UNC5C: variants seen among roughly 807,000 people sequenced by gnomAD.
UNC5C encodes the protein unc-5 netrin receptor C.
A neutral mutation model predicts 99.8 loss-of-function variants in UNC5C; 47 were observed. The observed-to-expected ratio is 0.47, with a 90% CI of 0.37 to 0.60. The LOEUF is 0.60. Among genes scored for constraint, UNC5C ranks in the 20% least tolerant of loss-of-function variants. The probability of loss-of-function intolerance (pLI) is 0.00; values close to 1 mark genes in which losing one functional copy is unlikely to be tolerated. For missense variants in UNC5C, 1,062 were observed against 1,165.9 expected (o/e 0.91, Z 1.30); for synonymous variants, 487 against 452.2 (o/e 1.08, Z -0.98).
intron 1 of UNC5C, among the ~76,000 whole-genome samples, chr4:95,371,164 A>G (rs1386060819): frequency 6.6e-6 from 1 of 152,180 alleles, no homozygotes; most frequent in Non-Finnish European, 1.5e-5. Context: ...TGTTTTCAGT[A>G]ACACTTCAGT....
intron 14 of UNC5C, 79 bp from the exon 15 acceptor site, chr4:95,170,411 C>A: frequency 1.4e-6 from 2 of 1,480,488 alleles, no homozygotes; most frequent in Non-Finnish European, 1.8e-6. Context: ...CAACATAATG[C>A]CTTGCTTTGA....
At chr4:95,201,975 T>C (rs1737692045) in intron 12 of UNC5C, among the ~76,000 whole-genome samples, 1 of 152,130 alleles carries the variant, frequency 6.6e-6, no homozygotes, top group Non-Finnish European at 1.5e-5. Flanking sequence ...CTTGTATTTT[T>C]CCCTCTACTA....
In UNC5C at chr4:95,541,373, A is replaced by T. The variant is rs77019692; in HGVS notation, c.124+7361T>A. On this transcript the variant is annotated intron_variant, in intron 1 of 15. Coordinates refer to ENST00000453304, the MANE Select transcript of UNC5C (RefSeq NM_003728.4). ...TTATCTCGGTTATCAGATGAAAAAA[A>T]AGCAGTGTAGATGGGAGTTCCATAC... Among the ~76,000 whole-genome samples the T allele has an allele frequency of 8.1e-3, 1,237 of 152,282 alleles. 15 individuals carry two copies. The highest frequency in any genetic ancestry group is 0.028 in the African/African-American group (1,168 of 41,558).
At chr4:95,442,234 G>A (rs560830921) in intron 1 of UNC5C, among the ~76,000 whole-genome samples, 1 of 152,082 alleles carries the variant, frequency 6.6e-6, no homozygotes, top group Non-Finnish European at 1.5e-5. Flanking sequence ...AACAGGGTTT[G>A]GTCTGTTGCC....
chr4:95,295,258 G>A (rs1741633086), intron 3 of UNC5C, among the ~76,000 whole-genome samples: 2 of 152,170 alleles, frequency 1.3e-5, no homozygotes, highest in South Asian at 4.1e-4. Flanking sequence ...TACAGTAAGG[G>A]TTCTGCACAG....
intron 4 of UNC5C, among the ~76,000 whole-genome samples, chr4:95,268,512 C>T (rs1740537080): frequency 6.6e-6 from 1 of 152,154 alleles, no homozygotes; most frequent in Non-Finnish European, 1.5e-5. Context: ...ATCCTTTGCC[C>T]TTCTGATACA....
intron 1 of UNC5C, among the ~76,000 whole-genome samples, chr4:95,517,858 T>C (rs73842317): frequency 0.038 from 5,738 of 152,234 alleles, 342 homozygotes; most frequent in African/African-American, 0.13. Flanking sequence ...AAGTAACTCA[T>C]TGAGTCTCTG....
At chr4:95,504,896 T>C (rs1379619172) in intron 1 of UNC5C, among the ~76,000 whole-genome samples, 1 of 152,118 alleles carries the variant, frequency 6.6e-6, no homozygotes, top group Non-Finnish European at 1.5e-5. Flanking sequence ...TATGATCTTA[T>C]GATATTAATT....
chr4:95,548,518 GC>G (rs1182945739), intron 1 of UNC5C, among the ~76,000 whole-genome samples: 2 of 151,988 alleles, frequency 1.3e-5, no homozygotes, highest in Non-Finnish European at 2.9e-5. Context: ...GTCCATTCGT[GC>G]CCATCTCAGA....
chr4:95,396,404 A>G (rs1434699571), intron 1 of UNC5C, among the ~76,000 whole-genome samples: 1 of 152,214 alleles, frequency 6.6e-6, no homozygotes, highest in Admixed American at 6.5e-5. Flanking sequence ...TTCTTTTCTC[A>G]GGGAAATATC....
rs574673731 is a variant in UNC5C at position 95,479,762 on chromosome 4, G to T, written c.124+68972C>A. ...ATGAATACAATAGTTAATTTTATGTGTCAACTTGACTGGACCATGGAGTGC... is the reference window on the plus strand; with the variant it reads ...ATGAATACAATAGTTAATTTTATGTTTCAACTTGACTGGACCATGGAGTGC... On this transcript the variant is annotated intron_variant, in intron 1 of 15. Transcript: ENST00000453304. Among the ~76,000 whole-genome samples, 3 of 152,008 alleles carry T rather than the reference G, an allele frequency of 2.0e-5. No homozygotes were observed. In the East Asian group the frequency reaches 5.8e-4, roughly 30 times the overall value.
chr4:95,402,602 T>A (rs1745731221), intron 1 of UNC5C, among the ~76,000 whole-genome samples: 1 of 152,168 alleles, frequency 6.6e-6, no homozygotes, highest in Non-Finnish European at 1.5e-5. Context: ...AGGGTAGTAT[T>A]TGAGGACACA....
At chr4:95,503,861 T>C (rs998542675) in intron 1 of UNC5C, among the ~76,000 whole-genome samples, 1 of 152,140 alleles carries the variant, frequency 6.6e-6, no homozygotes, top group South Asian at 2.1e-4. Flanking sequence ...ATTTCACTTA[T>C]ATTCAGTGAA....
chr4:95,331,988 A>C (rs1201815986), intron 2 of UNC5C, among the ~76,000 whole-genome samples: 3 of 152,134 alleles, frequency 2.0e-5, no homozygotes, highest in African/African-American at 7.2e-5. Flanking sequence ...AAAGAGAATA[A>C]AATACCTAGG....
rs368876882 is a variant in UNC5C at position 95,479,043 on chromosome 4, T to G, written c.124+69691A>C. 5.3e-5 allele frequency among the ~76,000 whole-genome samples: 8 copies of G among 152,096 alleles called. No homozygotes were observed. In the East Asian group the frequency reaches 1.6e-3, roughly 30 times the overall value. Reference sequence around the variant, plus strand: ...GAAGCCTCACCAGAAGCTGAGAAGATGTACGATCTCCAGAACCATGAGCCA... The same window carrying G: ...GAAGCCTCACCAGAAGCTGAGAAGAGGTACGATCTCCAGAACCATGAGCCA... On this transcript the variant is annotated intron_variant, in intron 1 of 15. Coordinates refer to ENST00000453304, the MANE Select transcript of UNC5C (RefSeq NM_003728.4).
At position 95,186,036 on chromosome 4, in the gene UNC5C, A is replaced by G. The variant is rs192177116; in HGVS notation, c.2137-840T>C. Reference sequence around the variant, plus strand: ...TTTCTCAGGCTAGTTAATGGGAGTTAATGAAGCATTTCCAACTGCAGCTGT... The same window carrying G: ...TTTCTCAGGCTAGTTAATGGGAGTTGATGAAGCATTTCCAACTGCAGCTGT... On this transcript the variant is annotated intron_variant, in intron 12 of 15. Coordinates refer to ENST00000453304, the MANE Select transcript of UNC5C (RefSeq NM_003728.4). Among the ~76,000 whole-genome samples the G allele has an allele frequency of 2.0e-3, 311 of 152,326 alleles. 1 individual carries two copies. The highest frequency in any genetic ancestry group is 7.2e-3 in the African/African-American group (298 of 41,574).
At chr4:95,451,968 AAT>A (rs1434275147) in intron 1 of UNC5C, among the ~76,000 whole-genome samples, 10 of 152,168 alleles carry the variant, frequency 6.6e-5, no homozygotes, top group Non-Finnish European at 1.0e-4. Flanking sequence ...GTCAGAAAAG[AAT>A]ATGTTAGGTG....
intron 3 of UNC5C, among the ~76,000 whole-genome samples, chr4:95,292,390 C>A (rs1741510182): frequency 6.6e-6 from 1 of 151,688 alleles, no homozygotes; most frequent in Non-Finnish European, 1.5e-5. Flanking sequence ...CTGCTTCAGC[C>A]TCCCGGAGAT....
chr4:95,490,301 A>G (rs73838898), intron 1 of UNC5C, among the ~76,000 whole-genome samples: 5,043 of 151,820 alleles, frequency 0.033, 150 homozygotes, highest in African/African-American at 0.081. Flanking sequence ...ACAACTCTAA[A>G]AAGTTTGAAC....
Sources: allele counts gnomAD v4.1 joint callset (sites outside exome capture counted in the v4.1 genomes callset), GRCh38; gene constraint gnomAD v4.1.1; transcripts MANE v1.5; gene names NCBI Gene and HGNC (gene_info 2026-07-23, HGNC 2026-07-21).